The following DPY19L3 variants were observed in gnomAD, a reference collection of about 807,000 sequenced individuals.
The protein encoded by DPY19L3 is dpy-19 like C-mannosyltransferase 3, also known as protein C-mannosyl-transferase DPY19L3.
In DPY19L3, 51 loss-of-function variants were observed where a neutral mutation model predicts 92.3. That is an observed-to-expected ratio of 0.55 (90% confidence interval 0.44 to 0.70). DPY19L3 has a LOEUF of 0.70. Ranked by LOEUF, DPY19L3 falls within the 30% of genes least tolerant of loss-of-function variation. The pLI is 0.00. For missense variants in DPY19L3, 706 were observed against 855.9 expected (o/e 0.82, Z 2.18); for synonymous variants, 309 against 315.2 (o/e 0.98, Z 0.21).
intron 3 of DPY19L3, among the ~76,000 whole-genome samples, chr19:32,415,543 A>G (rs1006807485): frequency 3.1e-4 from 47 of 152,184 alleles, no homozygotes; most frequent in African/African-American, 1.1e-3. Context: ...CTCTCTCTGA[A>G]TGTATTATAG....
chr19:32,422,708 T>G (rs1322552190), intron 3 of DPY19L3, among the ~76,000 whole-genome samples: 1 of 150,844 alleles, frequency 6.6e-6, no homozygotes, highest in Non-Finnish European at 1.5e-5. Flanking sequence ...AAAAGGAAAT[T>G]TGAATCTACT....
chr19:32,464,863 A>T, intron 15 of DPY19L3, 79 bp downstream of exon 15: 1 of 1,026,598 alleles, frequency 9.7e-7, no homozygotes, highest in Non-Finnish European at 1.4e-6. Flanking sequence ...TTTGTGTATT[A>T]TTTGGCAAAT....
At chr19:32,462,505 G>T (rs1013642218) in intron 12 of DPY19L3, among the ~76,000 whole-genome samples, 2 of 148,344 alleles carry the variant, frequency 1.3e-5, no homozygotes, top group Non-Finnish European at 1.5e-5. Flanking sequence ...CCCGTGAAGT[G>T]TTCTTGCCAA....
At chr19:32,450,696 C>T (rs954044294) in intron 8 of DPY19L3, among the ~76,000 whole-genome samples, 5 of 151,990 alleles carry the variant, frequency 3.3e-5, no homozygotes, top group Admixed American at 6.6e-5. Context: ...CAGTGGTTGC[C>T]GGAGCTGGGG....
At chr19:32,434,482 C>G (rs1415014306) in intron 4 of DPY19L3, among the ~76,000 whole-genome samples, 1 of 152,014 alleles carries the variant, frequency 6.6e-6, no homozygotes, top group Non-Finnish European at 1.5e-5. Context: ...CATGGAGAAA[C>G]CCCATCTCTA....
rs751358799 is a variant in DPY19L3, at chr19:32,408,233, A to G, written c.-21A>G. 1.3e-6 allele frequency: 2 copies of G among 1,572,106 alleles called. No individual in the cohort carries two copies. ...GCTATCTAGGAGTGATTTGGAGAACAATGCATGTAAGTCTGACATCATGAT... is the reference window on the plus strand; with the variant it reads ...GCTATCTAGGAGTGATTTGGAGAACGATGCATGTAAGTCTGACATCATGAT... On this transcript the variant is annotated 5_prime_UTR_variant, in exon 2 of 19. Transcript: ENST00000392250.
chr19:32,462,328 C>G (rs1483863272), intron 12 of DPY19L3, among the ~76,000 whole-genome samples: 1 of 152,028 alleles, frequency 6.6e-6, no homozygotes, highest in African/African-American at 2.4e-5. Context: ...GTGGGACAGA[C>G]AGGGATGGAG....
At chr19:32,451,219 A>T (rs1342685567) in intron 8 of DPY19L3, among the ~76,000 whole-genome samples, 4 of 152,272 alleles carry the variant, frequency 2.6e-5, no homozygotes, top group Non-Finnish European at 4.4e-5. Context: ...GTTTTCACAG[A>T]ATAGTCACTG....
chr19:32,468,300 C>G, intron 15 of DPY19L3: 1 of 986,602 alleles, frequency 1.0e-6, no homozygotes, highest in Non-Finnish European at 1.2e-6. Flanking sequence ...AGTAAAATGG[C>G]TCTGTCTTCT....
chr19:32,421,843 A>C lies in DPY19L3; in HGVS notation c.237+10471A>C, dbSNP rs1321339607. On this transcript the variant is annotated intron_variant, in intron 3 of 18. Transcript: ENST00000392250. ...ACAGCATGCTAGGCAGGCCAGAAGG[A>C]GCGATCACAGAGACAAGCCATATTT... 2.6e-5 allele frequency among the ~76,000 whole-genome samples: 4 copies of C among 151,932 alleles called. No individual in the cohort carries two copies. The East Asian group carries it at 7.7e-4, about 29-fold the overall frequency.
intron 3 of DPY19L3, among the ~76,000 whole-genome samples, chr19:32,426,239 C>T (rs915230468): frequency 2.0e-5 from 3 of 152,244 alleles, no homozygotes; most frequent in Non-Finnish European, 4.4e-5. Flanking sequence ...AAGAGAGGGC[C>T]TTGCTCTGGA....
chr19:32,423,283 G>C (rs991012657), intron 3 of DPY19L3, among the ~76,000 whole-genome samples: 1 of 151,994 alleles, frequency 6.6e-6, no homozygotes, highest in Non-Finnish European at 1.5e-5. Context: ...CTGTCGCCTA[G>C]GCTGGAATGA....
In DPY19L3 at chr19:32,468,760, C is replaced by T. The variant is rs777470146; in HGVS notation, c.1644C>T (p.Ser548=). ...GGCCAGGAATGATGGATGAACTCTC[C>T]GAGTTGAGAGAATTCTATGATCCAG... The part of the protein sequence containing the change: ...KFWPGMMDEL[S]ELREFYDPDT... Residue 548 remains serine, a synonymous_variant, in exon 16 of 19, where the codon TCC becomes TCT. Coordinates refer to ENST00000392250, the MANE Select transcript of DPY19L3 (RefSeq NM_001172774.2). The T allele has an allele frequency of 1.4e-5, 22 of 1,613,306 alleles. No individual in the cohort carries two copies. The East Asian group carries it at 1.6e-4, about 11-fold the overall frequency.
chr19:32,466,454 G>A (rs951287041), intron 15 of DPY19L3, among the ~76,000 whole-genome samples: 1 of 152,238 alleles, frequency 6.6e-6, no homozygotes, highest in Non-Finnish European at 1.5e-5. Flanking sequence ...ATTCTTTGCC[G>A]CTGGGGGCGG....
intron 8 of DPY19L3, among the ~76,000 whole-genome samples, chr19:32,441,487 T>A (rs1029300381): frequency 1.5e-5 from 2 of 134,356 alleles, no homozygotes; most frequent in African/African-American, 5.6e-5. Flanking sequence ...ATAATGAACA[T>A]GTGTCTCTTT....
At position 32,458,514 on chromosome 19, in the gene DPY19L3, G is replaced by A. The variant is rs74880048; in HGVS notation, c.1322+5G>A. ...TGTTGCCTTTCATAATCTCAGGTAT[G>A]GTATATTTCAGAAATCTAATGCTCT... On this transcript the variant is annotated splice_donor_5th_base_variant and intron_variant, in intron 12 of 18. Coordinates refer to ENST00000392250, the MANE Select transcript of DPY19L3 (RefSeq NM_001172774.2). The A allele has an allele frequency of 3.0e-4, 482 of 1,597,072 alleles. No homozygotes were observed. The African/African-American group carries it at 5.2e-3, about 17-fold the overall frequency.
rs545133968 is a variant in DPY19L3, at chr19:32,414,711, C to T, written c.237+3339C>T. Among the ~76,000 whole-genome samples, 93 of 152,144 alleles carry T rather than the reference C, an allele frequency of 6.1e-4. 1 individual carries two copies. The highest frequency in any genetic ancestry group is 5.5e-3 in the Admixed American group (84 of 15,286). ...AATATCTCTGTGTGAGCAGATAGCCCAAATTGAATGCTAACAACCGTATAG... is the reference window on the plus strand; with the variant it reads ...AATATCTCTGTGTGAGCAGATAGCCTAAATTGAATGCTAACAACCGTATAG... On this transcript the variant is annotated intron_variant, in intron 3 of 18. Transcript: ENST00000392250.
chr19:32,437,097 A>G (rs1969167225), intron 5 of DPY19L3, 97 bp from the exon 6 acceptor site: 1 of 1,447,580 alleles, frequency 6.9e-7, no homozygotes, highest in Non-Finnish European at 9.4e-7. Flanking sequence ...ATTAGAGGCA[A>G]GCTCCTGCAT....
At chr19:32,429,539 T>G (rs1968889657) in intron 3 of DPY19L3, among the ~76,000 whole-genome samples, 1 of 152,240 alleles carries the variant, frequency 6.6e-6, no homozygotes, top group Admixed American at 6.5e-5. Flanking sequence ...CTCTGTTCTT[T>G]GTGCATTCTG....
Sources: gnomAD v4.1 joint callset for allele counts (sites outside exome capture counted in the v4.1 genomes callset) on GRCh38, gnomAD v4.1.1 for gene constraint, MANE v1.5 for transcripts, NCBI Gene and HGNC (gene_info 2026-07-23, HGNC 2026-07-21) for gene names.